The following AKAP19 variants were observed in gnomAD, a reference collection of about 807,000 sequenced individuals.
AKAP19 encodes the protein small A-kinase anchoring protein.
the AKAP19 span, among the ~76,000 whole-genome samples, chr2:189,996,978 A>G: frequency 3.9e-5 from 6 of 152,192 alleles, no homozygotes; most frequent in Non-Finnish European, 7.4e-5. Flanking sequence ...GGATACCTGC[A>G]CCTGCTCTGG....
chr2:190,057,675 A>C, the AKAP19 span: 3 of 1,608,738 alleles, frequency 1.9e-6, no homozygotes, highest in Non-Finnish European at 2.6e-6. Flanking sequence ...TAATATCAAT[A>C]GGCCTGGAAA....
chr2:189,951,150 T>A, the AKAP19 span, among the ~76,000 whole-genome samples: 1 of 149,930 alleles, frequency 6.7e-6, no homozygotes, highest in Non-Finnish European at 1.5e-5. Flanking sequence ...GTTTTTTCCC[T>A]CTACTTCAAT....
At chr2:189,916,349 G>A in the AKAP19 span, among the ~76,000 whole-genome samples, 1 of 126,028 alleles carries the variant, frequency 7.9e-6, no homozygotes, top group Non-Finnish European at 1.6e-5. Context: ...TTTTTTTGGA[G>A]ACAGAGCTGT....
chr2:190,021,461 C>T, the AKAP19 span, among the ~76,000 whole-genome samples: 20 of 152,262 alleles, frequency 1.3e-4, no homozygotes, highest in African/African-American at 4.1e-4. Context: ...AAATAATTAA[C>T]GGGATTTTCC....
At chr2:189,993,688 C>G in the AKAP19 span, among the ~76,000 whole-genome samples, 1 of 151,970 alleles carries the variant, frequency 6.6e-6, no homozygotes, top group African/African-American at 2.4e-5. Context: ...AATCTCATTA[C>G]TTGTTATTTG....
chr2:190,195,716 TCA>T, the AKAP19 span, among the ~76,000 whole-genome samples: 3,551 of 152,328 alleles, frequency 0.023, 127 homozygotes, highest in African/African-American at 0.08. Context: ...GCTTGTCTTC[TCA>T]TTTTCTTGAC....
At chr2:190,160,257 T>C in the AKAP19 span, among the ~76,000 whole-genome samples, 3 of 152,222 alleles carry the variant, frequency 2.0e-5, no homozygotes, top group African/African-American at 7.2e-5. Context: ...TGGGCTGCTA[T>C]TGGACATTGT....
At chr2:189,951,918 C>T in the AKAP19 span, among the ~76,000 whole-genome samples, 48 of 152,292 alleles carry the variant, frequency 3.2e-4, no homozygotes, top group South Asian at 7.3e-3. Flanking sequence ...AGTGTTCTTC[C>T]TGAACCAGGA....
the AKAP19 span, among the ~76,000 whole-genome samples, chr2:190,108,402 C>T: frequency 2.0e-5 from 3 of 152,170 alleles, no homozygotes; most frequent in Non-Finnish European, 4.4e-5. Context: ...GTGATCTGCC[C>T]GCCTCAGCCT....
chr2:189,950,177 G>C, the AKAP19 span, among the ~76,000 whole-genome samples: 1 of 151,318 alleles, frequency 6.6e-6, no homozygotes, highest in South Asian at 2.1e-4. Flanking sequence ...ACAGGTGCCT[G>C]CCATGATGCC....
the AKAP19 span, among the ~76,000 whole-genome samples, chr2:190,162,420 C>A: frequency 6.6e-6 from 1 of 151,894 alleles, no homozygotes; most frequent in Non-Finnish European, 1.5e-5. Context: ...TGAATATATA[C>A]AAAAGAGAAG....
the AKAP19 span, among the ~76,000 whole-genome samples, chr2:189,999,478 T>C: frequency 6.6e-6 from 1 of 152,210 alleles, no homozygotes; most frequent in Non-Finnish European, 1.5e-5. Context: ...GGAATCTTTT[T>C]ATATTAGTAC....
the AKAP19 span, among the ~76,000 whole-genome samples, chr2:190,058,172 GA>G: frequency 6.6e-6 from 1 of 152,104 alleles, no homozygotes; most frequent in Non-Finnish European, 1.5e-5. Flanking sequence ...AAGAAGAGAC[GA>G]TGATATTTCC....
the AKAP19 span, among the ~76,000 whole-genome samples, chr2:189,921,020 T>G: frequency 6.6e-6 from 1 of 152,210 alleles, no homozygotes; most frequent in East Asian, 1.9e-4. Flanking sequence ...AGACCTTTTT[T>G]CTTTTTTCTT....
chr2:189,905,356 C>G, the AKAP19 span, among the ~76,000 whole-genome samples: 2 of 151,716 alleles, frequency 1.3e-5, no homozygotes, highest in African/African-American at 2.4e-5. Flanking sequence ...GGAAGTTTAC[C>G]TCATATTCAA....
chr2:190,117,600 C>A, the AKAP19 span, among the ~76,000 whole-genome samples: 1 of 152,242 alleles, frequency 6.6e-6, no homozygotes, highest in East Asian at 1.9e-4. Flanking sequence ...ATCTGGTCTT[C>A]CAATGCCCAT....
At chr2:189,884,447 T>C in the AKAP19 span, among the ~76,000 whole-genome samples, 2 of 152,186 alleles carry the variant, frequency 1.3e-5, no homozygotes, top group African/African-American at 2.4e-5. Context: ...TTTTGGTCTT[T>C]TCTCCTTAGT....
chr2:189,914,299 T>C, the AKAP19 span, among the ~76,000 whole-genome samples: 1 of 152,140 alleles, frequency 6.6e-6, no homozygotes, highest in Admixed American at 6.5e-5. Flanking sequence ...CAAATTGATT[T>C]CTGAAGAGAA....
At chr2:190,148,112 T>C in the AKAP19 span, among the ~76,000 whole-genome samples, 1 of 152,220 alleles carries the variant, frequency 6.6e-6, no homozygotes, top group Non-Finnish European at 1.5e-5. Context: ...CTTTCAACTT[T>C]TCCCCATTCA....
Sources: gnomAD v4.1 joint callset for allele counts (sites outside exome capture counted in the v4.1 genomes callset) on GRCh38, gnomAD v4.1.1 for gene constraint, MANE v1.5 for transcripts, NCBI Gene and HGNC (gene_info 2026-07-23, HGNC 2026-07-21) for gene names.